Variants in TUSC3 observed in about 807,000 individuals in gnomAD.
TUSC3 encodes dolichyl-diphosphooligosaccharide--protein glycosyltransferase subunit TUSC3.
In TUSC3, 45 loss-of-function variants were observed where a neutral mutation model predicts 44.8. That is an observed-to-expected ratio of 1.00 (90% CI 0.79 to 1.29). The LOEUF (loss-of-function observed/expected upper bound fraction) is 1.29, where lower values mean the gene tolerates loss of function less well. Ranked by LOEUF, TUSC3 falls within the 50% of genes most tolerant of loss-of-function variation. TUSC3 has a pLI of 0.00. For missense variants in TUSC3, 519 were observed against 437.9 expected (o/e 1.19, Z -1.65); for synonymous variants, 212 against 152.9 (o/e 1.39, Z -2.85).
chr8:15,825,372 C>A, the TUSC3 span, among the ~76,000 whole-genome samples: 5 of 152,078 alleles, frequency 3.3e-5, no homozygotes, highest in Non-Finnish European at 5.9e-5. Context: ...TGGTGGCAGG[C>A]AAGAGGACGT....
intron 2 of TUSC3, among the ~76,000 whole-genome samples, chr8:15,631,668 T>TTGTG (rs147004169): frequency 0.023 from 3,359 of 145,152 alleles, 46 homozygotes; most frequent in Admixed American, 0.044. Context: ...TTTAAGGCTG[T>TTGTG]TGTGTGTGTG....
intron 6 of TUSC3, among the ~76,000 whole-genome samples, chr8:15,728,958 A>C (rs1284416352): frequency 6.6e-6 from 1 of 152,126 alleles, no homozygotes; most frequent in Non-Finnish European, 1.5e-5. Context: ...CAGGTAGATT[A>C]AGGCCAGGAA....
intron 2 of TUSC3, among the ~76,000 whole-genome samples, chr8:15,624,091 G>A (rs1805382161): frequency 6.6e-6 from 1 of 151,960 alleles, no homozygotes; most frequent in African/African-American, 2.4e-5. Flanking sequence ...TTTGGGTTTG[G>A]CTTTTAAAAA....
rs551218502 is a variant in TUSC3 at position 15,613,285 on chromosome 8, A to G, written c.139-9795A>G. Among the ~76,000 whole-genome samples, 19 of 151,976 alleles carry G rather than the reference A, an allele frequency of 1.3e-4. No homozygotes were observed. The South Asian group carries it at 4.0e-3, about 32-fold the overall frequency. On this transcript the variant is annotated intron_variant, in intron 1 of 10. Transcript: ENST00000503731. ...AGTGCTTTTCTTGTAATACTCAGAA[A>G]CATTAGGTAACTCTGAGATTGAAGG...
chr8:15,619,224 A>G (rs1805132770), intron 1 of TUSC3, among the ~76,000 whole-genome samples: 2 of 152,146 alleles, frequency 1.3e-5, no homozygotes, highest in African/African-American at 4.8e-5. Flanking sequence ...CTATGATTTG[A>G]TATTTATTGT....
At chr8:15,827,265 A>G in the TUSC3 span, among the ~76,000 whole-genome samples, 2 of 152,338 alleles carry the variant, frequency 1.3e-5, no homozygotes, top group African/African-American at 4.8e-5. Flanking sequence ...ATTCTAACTC[A>G]TGTAAGACTG....
intron 6 of TUSC3, among the ~76,000 whole-genome samples, chr8:15,705,991 C>T (rs1040398359): frequency 1.3e-5 from 2 of 151,896 alleles, no homozygotes; most frequent in Non-Finnish European, 2.9e-5. Context: ...CAGTTAAGTA[C>T]TCTTTAAAGA....
rs188740776 is a variant in TUSC3, at chr8:15,442,509, C to T, written n.91+25204C>T. ...AAAAGGTGATCTGATTAGCTGTTCCCAGTGGATTGTTTACTTTCTTACTAA... is the reference window on the plus strand; with the variant it reads ...AAAAGGTGATCTGATTAGCTGTTCCTAGTGGATTGTTTACTTTCTTACTAA... On this transcript the variant is annotated intron_variant and non_coding_transcript_variant, in intron 1 of 5. Transcript: ENST00000503191. Among the ~76,000 whole-genome samples the T allele has an allele frequency of 1.4e-4, 21 of 152,142 alleles. 1 individual carries two copies. The highest frequency in any genetic ancestry group is 4.8e-4 in the African/African-American group (20 of 41,530).
chr8:15,742,914 G>A (rs1431253554), intron 7 of TUSC3, among the ~76,000 whole-genome samples: 1 of 152,180 alleles, frequency 6.6e-6, no homozygotes, highest in Admixed American at 6.5e-5. Flanking sequence ...TATCCATCCT[G>A]TTGCAAGCAG....
the TUSC3 span, among the ~76,000 whole-genome samples, chr8:15,839,373 T>G: frequency 6.6e-6 from 1 of 152,276 alleles, no homozygotes; most frequent in East Asian, 1.9e-4. Context: ...CTGATTGCCC[T>G]GGCCAGAACT....
intron 6 of TUSC3, among the ~76,000 whole-genome samples, chr8:15,704,574 C>G (rs780104071): frequency 3.9e-5 from 6 of 152,116 alleles, no homozygotes; most frequent in Non-Finnish European, 8.8e-5. Context: ...TTTATGACAA[C>G]TACTAAACTA....
intron 1 of TUSC3, among the ~76,000 whole-genome samples, chr8:15,568,651 G>T (rs1802759715): frequency 1.4e-5 from 2 of 144,318 alleles, no homozygotes; most frequent in African/African-American, 2.6e-5. Context: ...CGCCTAGGCT[G>T]CAGTGCAGTG....
chr8:15,599,486 A>G (rs1466510694), intron 1 of TUSC3, among the ~76,000 whole-genome samples: 1 of 151,700 alleles, frequency 6.6e-6, no homozygotes, highest in East Asian at 1.9e-4. Flanking sequence ...TGCCTTTGGT[A>G]TATCTAAAAA....
chr8:15,604,487 G>A (rs7009035), intron 1 of TUSC3, among the ~76,000 whole-genome samples: 66,113 of 151,324 alleles, frequency 0.44, 14,692 homozygotes, highest in African/African-American at 0.51. Flanking sequence ...TCTCAAAATA[G>A]TAGTTATTAA....
intron 1 of TUSC3, among the ~76,000 whole-genome samples, chr8:15,591,351 C>G (rs947508573): frequency 6.6e-6 from 1 of 152,068 alleles, no homozygotes; most frequent in African/African-American, 2.4e-5. Flanking sequence ...CTTAGGCTTT[C>G]TCCTATAAAA....
At position 15,668,011 on chromosome 8, in the gene TUSC3, G is replaced by T. The variant is rs193105175; in HGVS notation, c.708+5715G>T. ...CAGGGCTATGGCAACCTCTAGATGTGAGAAAGATAACATGTGGTTATGTTC... is the reference window on the plus strand; with the variant it reads ...CAGGGCTATGGCAACCTCTAGATGTTAGAAAGATAACATGTGGTTATGTTC... On this transcript the variant is annotated intron_variant, in intron 5 of 10. Coordinates refer to ENST00000503731, the MANE Select transcript of TUSC3 (RefSeq NM_006765.4). Among the ~76,000 whole-genome samples, 7 of 151,796 alleles carry T rather than the reference G, an allele frequency of 4.6e-5. No homozygotes were observed. The East Asian group carries it at 1.4e-3, about 29-fold the overall frequency.
chr8:15,607,608 C>G (rs541494341), intron 1 of TUSC3, among the ~76,000 whole-genome samples: 94 of 152,194 alleles, frequency 6.2e-4, no homozygotes, highest in Non-Finnish European at 1.0e-3. Context: ...ACACTGAATA[C>G]CCAGATATCG....
chr8:15,565,761 G>T (rs11775286), intron 1 of TUSC3, among the ~76,000 whole-genome samples: 31,423 of 151,996 alleles, frequency 0.21, 3,942 homozygotes, highest in Non-Finnish European at 0.28. Context: ...CCTATAACTA[G>T]GTTGAGAATG....
rs144864810 is a variant in TUSC3, at chr8:15,705,847, A to C, written c.799-24819A>C. ...TCTCATCCCCTCCTTCATGCTTTAC[A>C]ACTTACATATTATCAGATAAAACTG... On this transcript the variant is annotated intron_variant, in intron 6 of 10. Transcript: ENST00000503731. Among the ~76,000 whole-genome samples, 373 of 152,138 alleles carry C rather than the reference A, an allele frequency of 2.5e-3. 2 individuals are homozygous for C. Among genetic ancestry groups the C allele is most frequent in the African/African-American group, 8.6e-3 (357 of 41,526 alleles).
Sources: allele counts gnomAD v4.1 joint callset (sites outside exome capture counted in the v4.1 genomes callset), GRCh38; gene constraint gnomAD v4.1.1; transcripts MANE v1.5; gene names NCBI Gene and HGNC (gene_info 2026-07-23, HGNC 2026-07-21).